Variants in RAB2A observed in about 807,000 individuals in gnomAD.
RAB2A encodes the protein ras-related protein Rab-2A.
In RAB2A, 7 loss-of-function variants were observed where a neutral mutation model predicts 32.5. The ratio of observed to expected loss-of-function variants is 0.22; its 90% CI spans 0.12 to 0.40. The LOEUF is 0.40. Among genes scored for constraint, RAB2A ranks in the 10% least tolerant of loss-of-function variants. The pLI is 1.00. For missense variants in RAB2A, 108 were observed against 260.7 expected (o/e 0.41, Z 4.03); for synonymous variants, 79 against 85.2 (o/e 0.93, Z 0.40).
rs1035142359 is a variant in RAB2A, at chr8:60,621,612, G to A, written c.*843G>A. ...AAGCAAGAAATTTCTACATCTTAGCGACTCCAAGAAGAATGAGTATCCACA... is the reference window on the plus strand; with the variant it reads ...AAGCAAGAAATTTCTACATCTTAGCAACTCCAAGAAGAATGAGTATCCACA... On this transcript the variant is annotated 3_prime_UTR_variant, in exon 8 of 8. Transcript: ENST00000262646. 6.6e-5 allele frequency: 10 copies of A among 152,088 alleles called. No homozygotes were observed. The highest frequency in any genetic ancestry group is 9.7e-5 in the African/African-American group (4 of 41,406). 9.4% of individuals were successfully genotyped at this position (152,088 alleles called of 1,614,324 possible). A position where few individuals can be genotyped will look rare whatever the true frequency, so the allele number is the denominator to read the frequency against.
At chr8:60,548,636 G>C (rs1244998562) in intron 1 of RAB2A, among the ~76,000 whole-genome samples, 3 of 146,256 alleles carry the variant, frequency 2.1e-5, no homozygotes, top group African/African-American at 7.7e-5. Flanking sequence ...CTGGCCGAGC[G>C]GGGGGCTGAC....
intron 1 of RAB2A, among the ~76,000 whole-genome samples, chr8:60,528,834 C>T (rs372619416): frequency 5.9e-5 from 9 of 152,076 alleles, no homozygotes; most frequent in African/African-American, 9.7e-5. Flanking sequence ...CTCAGCCCCC[C>T]GAAAGTGCTG....
chr8:60,609,442 G>A (rs1407075413), intron 6 of RAB2A, among the ~76,000 whole-genome samples: 2 of 152,034 alleles, frequency 1.3e-5, no homozygotes, highest in Non-Finnish European at 2.9e-5. Context: ...TGTCATGTCG[G>A]CCCACCAAAA....
chr8:60,524,559 C>T (rs1807349697), intron 1 of RAB2A, among the ~76,000 whole-genome samples: 1 of 152,188 alleles, frequency 6.6e-6, no homozygotes, highest in Admixed American at 6.5e-5. Flanking sequence ...TTAGCTGTTA[C>T]TTTTCACTTG....
At chr8:60,605,064 GT>G (rs1482483929) in intron 6 of RAB2A, among the ~76,000 whole-genome samples, 6 of 147,694 alleles carry the variant, frequency 4.1e-5, no homozygotes, top group Non-Finnish European at 7.4e-5. Flanking sequence ...CAGGGCCAGG[GT>G]CAGGGCCCCA....
At chr8:60,563,836 C>T (rs967882505) in intron 2 of RAB2A, among the ~76,000 whole-genome samples, 3 of 152,194 alleles carry the variant, frequency 2.0e-5, no homozygotes, top group Non-Finnish European at 4.4e-5. Flanking sequence ...TTCCTCCTTA[C>T]CCAGATTCAA....
At chr8:60,571,954 C>T in intron 2 of RAB2A, 92 bp from the exon 3 acceptor site, 1 of 829,792 alleles carries the variant, frequency 1.2e-6, no homozygotes, top group Non-Finnish European at 1.9e-6. Context: ...CCTAGCATAG[C>T]ATGTCTTGGA....
intron 3 of RAB2A, among the ~76,000 whole-genome samples, chr8:60,575,818 C>T (rs563665361): frequency 5.3e-5 from 8 of 151,990 alleles, no homozygotes; most frequent in South Asian, 2.1e-4. Context: ...CCACCACGCC[C>T]GGCTAATTTT....
chr8:60,623,505 C>T lies in RAB2A; in HGVS notation c.*2736C>T, dbSNP rs116372466. The stretch of plus-strand genomic sequence containing the variant: ...AGCTAAAAGATACACAAAGAGATAA[C>T]GCTGTTTCATAATAAACAGGAATTG... On this transcript the variant is annotated 3_prime_UTR_variant, in exon 8 of 8. Coordinates refer to ENST00000262646, the MANE Select transcript of RAB2A (RefSeq NM_002865.3). The T allele has an allele frequency of 7.0e-4, 107 of 152,198 alleles. No individual in the cohort carries two copies. Among genetic ancestry groups the T allele is most frequent in the African/African-American group, 2.4e-3 (101 of 41,538 alleles). 9.4% of individuals were successfully genotyped at this position (152,198 alleles called of 1,614,324 possible). A position where few individuals can be genotyped will look rare whatever the true frequency, so the allele number is the denominator to read the frequency against.
intron 5 of RAB2A, among the ~76,000 whole-genome samples, chr8:60,589,207 T>G (rs1191220803): frequency 1.3e-5 from 2 of 152,258 alleles, no homozygotes; most frequent in East Asian, 3.8e-4. Context: ...GACAGCTTAC[T>G]GGTGGCTTAA....
chr8:60,584,671 A>G (rs1803819731), intron 4 of RAB2A, 52 bp from the exon 5 acceptor site: 4 of 1,418,298 alleles, frequency 2.8e-6, no homozygotes, highest in Non-Finnish European at 4.0e-6. Context: ...TGTTCGTTGT[A>G]TACTGAGGGA....
At chr8:60,620,202 G>C (rs1400114817) in intron 7 of RAB2A, among the ~76,000 whole-genome samples, 1 of 152,238 alleles carries the variant, frequency 6.6e-6, no homozygotes, top group African/African-American at 2.4e-5. Flanking sequence ...TTCTTGGCAA[G>C]CTGCCATGTC....
intron 1 of RAB2A, among the ~76,000 whole-genome samples, chr8:60,532,289 C>T (rs144047292): frequency 6.6e-6 from 1 of 152,294 alleles, no homozygotes; most frequent in East Asian, 1.9e-4. Context: ...TCAGTTTTAA[C>T]TGTGTCAAAG....
chr8:60,607,938 A>C (rs1435619335), intron 6 of RAB2A, among the ~76,000 whole-genome samples: 1 of 151,732 alleles, frequency 6.6e-6, no homozygotes, highest in Non-Finnish European at 1.5e-5. Flanking sequence ...AAATCCTTTC[A>C]CTCCATTTCT....
At chr8:60,586,515 A>G (rs1803851144) in intron 5 of RAB2A, among the ~76,000 whole-genome samples, 2 of 152,182 alleles carry the variant, frequency 1.3e-5, no homozygotes, top group South Asian at 4.1e-4. Context: ...ATCACTATAG[A>G]TAAAAAAAAG....
intron 1 of RAB2A, among the ~76,000 whole-genome samples, chr8:60,553,752 A>G (rs930353231): frequency 4.6e-5 from 7 of 152,202 alleles, no homozygotes; most frequent in African/African-American, 1.4e-4. Flanking sequence ...TGAGGCATAT[A>G]TAAAGTATTA....
At chr8:60,617,712 T>TC (rs1011961851) in intron 6 of RAB2A, among the ~76,000 whole-genome samples, 94 of 152,108 alleles carry the variant, frequency 6.2e-4, no homozygotes, top group African/African-American at 2.2e-3. Flanking sequence ...GCCGCTGCAC[T>TC]CCATCCTAGG....
intron 3 of RAB2A, among the ~76,000 whole-genome samples, chr8:60,575,285 A>AGATG (rs1162886956): frequency 6.6e-6 from 1 of 151,766 alleles, no homozygotes; most frequent in Non-Finnish European, 1.5e-5. Context: ...TTTTTTGTAG[A>AGATG]GATGGAGTCT....
chr8:60,591,764 C>A, intron 5 of RAB2A, 94 bp from the exon 6 acceptor site: 1 of 740,234 alleles, frequency 1.4e-6, no homozygotes, highest in African/African-American at 1.8e-5. Context: ...AAAGAATGGT[C>A]ATCACAACTT....
Sources: gnomAD v4.1 joint callset for allele counts (sites outside exome capture counted in the v4.1 genomes callset) on GRCh38, gnomAD v4.1.1 for gene constraint, MANE v1.5 for transcripts, NCBI Gene and HGNC (gene_info 2026-07-23, HGNC 2026-07-21) for gene names.